CLOCK: variants seen among roughly 807,000 people sequenced by gnomAD.
CLOCK encodes the protein circadian locomoter output cycles protein kaput.
In CLOCK, 43 loss-of-function variants were observed where a neutral mutation model predicts 118.4. The ratio of observed to expected loss-of-function variants is 0.36; its 90% CI spans 0.28 to 0.47. The LOEUF (loss-of-function observed/expected upper bound fraction) is 0.47. Ranked by LOEUF, CLOCK falls within the 20% of genes least tolerant of loss-of-function variation. The pLI is 1.00. For missense variants in CLOCK, 846 were observed against 999.9 expected (o/e 0.85, Z 2.08); for synonymous variants, 326 against 339.2 (o/e 0.96, Z 0.43).
In CLOCK at chr4:55,496,046, G is replaced by A. The variant is rs147561973; in HGVS notation, c.-135-6581C>T. Among the ~76,000 whole-genome samples, 1,448 of 151,994 alleles carry A rather than the reference G, an allele frequency of 9.5e-3. 29 individuals carry two copies. The highest frequency in any genetic ancestry group is 0.033 in the African/African-American group (1,355 of 41,440). ...TCTACTAAAAATACAAAAATTAGCC[G>A]GGCGTGGTGGCAGGCGCCTGTAATC... is the stretch of plus-strand genomic sequence containing the variant. On this transcript the variant is annotated intron_variant, in intron 2 of 22. Transcript: ENST00000513440.
At chr4:55,514,395 C>G (rs1279078996) in intron 1 of CLOCK, among the ~76,000 whole-genome samples, 1 of 152,086 alleles carries the variant, frequency 6.6e-6, no homozygotes, top group Admixed American at 6.6e-5. Flanking sequence ...AAGCACAATT[C>G]ACATACTATA....
rs10529257 is a variant in CLOCK, at chr4:55,434,592, G to GA, written c.*822dup. ...TCCTGTTGTATCAATAATTTAACCT[G>GA]AAAAAAAAAATCCATTCCCAGCAGC... On this transcript the variant is annotated 3_prime_UTR_variant, in exon 23 of 23. Transcript: ENST00000513440. 60,683 of 150,374 alleles carry GA rather than the reference G, an allele frequency of 0.4. 13,216 individuals are homozygous for GA. The highest frequency in any genetic ancestry group is 0.58 in the East Asian group (2,985 of 5,120). 9.3% of individuals were successfully genotyped at this position (150,374 alleles called of 1,614,324 possible).
Position 55,478,807 on chromosome 4 carries a change from A to G in CLOCK, c.256+8T>C, listed in dbSNP as rs1283838996. 1 of 1,611,814 alleles carries G rather than the reference A, an allele frequency of 6.2e-7. No homozygotes were observed. Among genetic ancestry groups the G allele is most frequent in the South Asian group, 1.1e-5 (1 of 90,960 alleles). The stretch of plus-strand genomic sequence containing the variant: ...AGTCTGTTCCATTTTACAGAGTTAA[A>G]AATTTACCTTTATGTTTTCGTAAAA... On this transcript the variant is annotated splice_region_variant and intron_variant, in intron 6 of 22. Coordinates refer to ENST00000513440, the MANE Select transcript of CLOCK (RefSeq NM_004898.4).
At chr4:55,532,396 T>G (rs562701166) in intron 1 of CLOCK, among the ~76,000 whole-genome samples, 1 of 152,278 alleles carries the variant, frequency 6.6e-6, no homozygotes, top group African/African-American at 2.4e-5. Flanking sequence ...TGACATGATT[T>G]ATATGCAGAA....
In CLOCK at chr4:55,478,966, G is replaced by C; in HGVS notation, c.108-3C>G. 6.3e-7 allele frequency: 1 copy of C among 1,580,690 alleles called. No individual in the cohort carries two copies. Among genetic ancestry groups the C allele is most frequent in the Non-Finnish European group, 8.6e-7 (1 of 1,159,048 alleles). On this transcript the variant is annotated splice_region_variant and splice_polypyrimidine_tract_variant and intron_variant, in intron 5 of 22. Transcript: ENST00000513440. ...TTTCAGATTTGTTTCTAGATACTCT[G>C]ATGAAATGAAAAATATGCATTTTTT...
At chr4:55,490,057 C>G (rs1577784456) in intron 2 of CLOCK, among the ~76,000 whole-genome samples, 2 of 151,642 alleles carry the variant, frequency 1.3e-5, no homozygotes, top group South Asian at 4.2e-4. Flanking sequence ...ATGGATTAAA[C>G]TCCTCAATCA....
At chr4:55,521,841 ACTGAT>A (rs1398179050) in intron 1 of CLOCK, among the ~76,000 whole-genome samples, 1 of 152,214 alleles carries the variant, frequency 6.6e-6, no homozygotes, top group African/African-American at 2.4e-5. Flanking sequence ...AACTAGACAA[ACTGAT>A]CTTAGTATTT....
intron 2 of CLOCK, among the ~76,000 whole-genome samples, chr4:55,503,977 G>GGAAAAAAAAAAAAAA (rs1560463004): frequency 4.0e-5 from 1 of 25,104 alleles, no homozygotes; most frequent in African/African-American, 9.6e-5. Context: ...GCAAAAAGAG[G>GGAAAAAAAAAAAAAA]TAAAAAAAAA....
chr4:55,476,034 C>T lies in CLOCK; in HGVS notation c.277G>A (p.Ala93Thr). The change falls in exon 7 of 23, where the codon GCT becomes ACT. Residue 93 changes from alanine (A) to threonine (T), a missense_variant. By Grantham distance (58) the Ala-to-Thr change is moderately conservative. Around this residue, in one of 4 missense-constraint regions of CLOCK, gnomAD observed 246 missense variants for 300.2 expected, o/e 0.82. Transcript: ENST00000513440. ...TTCCAGTCCTGTCGAATTTCACTAG[C>T]ATCTGACTGTGCAGTGATTTCTGTA... ...KHKEITAQSDASEIRQDWKPT... is the reference protein window; with the variant it reads ...KHKEITAQSDTSEIRQDWKPT... 2 of 1,612,240 alleles carry T rather than the reference C, an allele frequency of 1.2e-6. No individual in the cohort carries two copies. The highest frequency in any genetic ancestry group is 4.5e-5 in the East Asian group (2 of 44,840).
At chr4:55,469,045 A>G (rs1451799544) in intron 8 of CLOCK, among the ~76,000 whole-genome samples, 1 of 152,238 alleles carries the variant, frequency 6.6e-6, no homozygotes. Context: ...TATATACAGT[A>G]CACATGTACA....
chr4:55,443,961 A>C, intron 19 of CLOCK, 65 bp from the exon 20 acceptor site: 2 of 1,441,602 alleles, frequency 1.4e-6, no homozygotes, highest in Non-Finnish European at 1.9e-6. Flanking sequence ...AGCATTAAAA[A>C]GAAGGCAAAA....
Position 55,542,645 on chromosome 4 carries a change from T to C in CLOCK, c.-290+4137A>G, listed in dbSNP as rs1412672797. On this transcript the variant is annotated intron_variant, in intron 1 of 22. Transcript: ENST00000513440. ...TGGAGGAGAGGGTAGTGCATATTAG[T>C]TGTTTGTTGTCAGTTAAGCAAAAGC... Among the ~76,000 whole-genome samples the C allele has an allele frequency of 2.0e-5, 3 of 152,106 alleles. No individual in the cohort carries two copies. In the South Asian group the frequency reaches 6.2e-4, roughly 32 times the overall value.
At chr4:55,452,664 C>T in intron 15 of CLOCK, 1 of 185,094 alleles carries the variant, frequency 5.4e-6, no homozygotes, top group Non-Finnish European at 1.1e-5. Flanking sequence ...TATAATTTCC[C>T]AGCCAGTGTC....
intron 1 of CLOCK, among the ~76,000 whole-genome samples, chr4:55,536,408 C>T (rs1370509746): frequency 6.6e-6 from 1 of 152,098 alleles, no homozygotes. Flanking sequence ...CAGTAGGAGG[C>T]AACTGGATCA....
intron 3 of CLOCK, among the ~76,000 whole-genome samples, chr4:55,483,403 G>C (rs944824850): frequency 5.3e-5 from 8 of 152,228 alleles, no homozygotes; most frequent in Non-Finnish European, 1.2e-4. Flanking sequence ...CTTGATGACA[G>C]TAAGTCTGTC....
chr4:55,501,085 C>A (rs1728402349), intron 2 of CLOCK, among the ~76,000 whole-genome samples: 2 of 152,174 alleles, frequency 1.3e-5, no homozygotes, highest in African/African-American at 4.8e-5. Flanking sequence ...AACTACTGAG[C>A]TCAAGCAATC....
intron 9 of CLOCK, among the ~76,000 whole-genome samples, chr4:55,462,101 A>C (rs534338508): frequency 1.3e-5 from 2 of 152,316 alleles, no homozygotes; most frequent in East Asian, 3.9e-4. Flanking sequence ...GGAGATCAGC[A>C]AGCCATTTAA....
chr4:55,451,109 C>T (rs1724406848), intron 15 of CLOCK, among the ~76,000 whole-genome samples: 2 of 151,942 alleles, frequency 1.3e-5, no homozygotes, highest in South Asian at 4.2e-4. Context: ...TTTCTCTTCT[C>T]TTTGTAGCAA....
At chr4:55,533,821 T>C (rs1298079359) in intron 1 of CLOCK, among the ~76,000 whole-genome samples, 3 of 152,164 alleles carry the variant, frequency 2.0e-5, no homozygotes, top group Non-Finnish European at 4.4e-5. Flanking sequence ...GAGAACAGCT[T>C]GAACCTGGGA....
Sources: gnomAD v4.1 joint callset for allele counts (sites outside exome capture counted in the v4.1 genomes callset) on GRCh38, gnomAD v4.1.1 for gene constraint, gnomAD v4.1.1 regional missense constraint, MANE v1.5 for transcripts, NCBI Gene and HGNC (gene_info 2026-07-23, HGNC 2026-07-21) for gene names.